SLC37A1: variants seen among roughly 807,000 people sequenced by gnomAD.
SLC37A1 encodes glucose-6-phosphate exchanger SLC37A1.
A neutral mutation model predicts 75.3 loss-of-function variants in SLC37A1; 49 were observed. That is an observed-to-expected ratio of 0.65 (90% confidence interval 0.52 to 0.83). The LOEUF (loss-of-function observed/expected upper bound fraction) is 0.83. Ranked by LOEUF, SLC37A1 falls within the 40% of genes least tolerant of loss-of-function variation. The pLI is 0.00. For missense variants in SLC37A1, 566 were observed against 695.0 expected, an observed-to-expected ratio of 0.81 and a Z score of 2.09; for synonymous variants, 268 against 292.1, an observed-to-expected ratio of 0.92 and a Z score of 0.84.
At chr21:42,540,797 G>A (rs972556325) in intron 6 of SLC37A1, among the ~76,000 whole-genome samples, 1 of 152,200 alleles carries the variant, frequency 6.6e-6, no homozygotes, top group East Asian at 1.9e-4. Context: ...TCAAGATTTT[G>A]CCATAACACT....
chr21:42,518,463 A>ACTCCC lies in SLC37A1; in HGVS notation c.11_15dup (p.Ala6SerfsTer24). The ACTCCC allele has an allele frequency of 6.2e-7, 1 of 1,613,534 alleles. No homozygotes were observed. Among genetic ancestry groups the ACTCCC allele is most frequent in the Non-Finnish European group, 8.5e-7 (1 of 1,179,938 alleles). ...GGTCAGTGGCGACGTAAATGGCTCG[A>ACTCCC]CTCCCCGCTGGCATTCGCTTCATCA... On this transcript the variant is annotated frameshift_variant, in exon 2 of 20. Transcript: ENST00000352133. LOFTEE classifies it high-confidence loss of function.
At chr21:42,562,193 T>A (rs1328998553) in intron 12 of SLC37A1, 25 bp downstream of exon 12, 1 of 1,598,588 alleles carries the variant, frequency 6.3e-7, no homozygotes, top group South Asian at 1.1e-5. Context: ...TAGAACACAT[T>A]AAATTCCGCA....
intron 5 of SLC37A1, 113 bp from the exon 6 acceptor site, chr21:42,539,399 G>T: frequency 1.6e-6 from 2 of 1,254,638 alleles, no homozygotes; most frequent in Non-Finnish European, 2.2e-6. Context: ...AGGCTTGAGA[G>T]TTCCCCAAGC....
chr21:42,576,975 C>CTTCA (rs2056322142), intron 18 of SLC37A1, among the ~76,000 whole-genome samples: 2 of 152,090 alleles, frequency 1.3e-5, no homozygotes, highest in Non-Finnish European at 2.9e-5. Context: ...GGATTTGAAG[C>CTTCA]AATATTTTAA....
intron 10 of SLC37A1, among the ~76,000 whole-genome samples, chr21:42,556,418 TG>T (rs1271899550): frequency 1.3e-5 from 2 of 152,192 alleles, no homozygotes; most frequent in Non-Finnish European, 2.9e-5. Context: ...ATCTCTCTTG[TG>T]ATGGCCTTTC....
In SLC37A1 at chr21:42,542,494, GC is replaced by G. The variant is rs1469710707; in HGVS notation, c.563+17del. 6.2e-7 allele frequency: 1 copy of G among 1,613,744 alleles called. No individual in the cohort carries two copies. Among genetic ancestry groups the G allele is most frequent in the African/African-American group, 1.3e-5 (1 of 75,046 alleles). On this transcript the variant is annotated intron_variant, in intron 7 of 19. Transcript: ENST00000352133. ...TGGAAAAGGAAGGTGAGAAAAAGCA[GC>G]CCTGTTTCCAATAGCAGATGAAAAC... is the stretch of plus-strand genomic sequence containing the variant.
chr21:42,543,909 G>A (rs1044351193), intron 8 of SLC37A1, among the ~76,000 whole-genome samples: 1 of 152,192 alleles, frequency 6.6e-6, no homozygotes, highest in Admixed American at 6.5e-5. Flanking sequence ...CCCACAGGCT[G>A]TTCCTTCTCA....
At chr21:42,528,100 G>T (rs74622692) in intron 3 of SLC37A1, among the ~76,000 whole-genome samples, 16,873 of 152,230 alleles carry the variant, frequency 0.11, 988 homozygotes, top group Middle Eastern at 0.17. Flanking sequence ...TAGAAAGTGA[G>T]TCTTATTCTG....
rs1427856381 is a variant in SLC37A1, at chr21:42,570,247, G to A, written c.1423+1809G>A. On this transcript the variant is annotated intron_variant, in intron 17 of 19. Transcript: ENST00000352133. ...GCCGTTGCCATGTCATGTGACACAC[G>A]GCCTGGTTCTGAGAAGCGGCAGGCA... 2.1e-4 allele frequency among the ~76,000 whole-genome samples: 30 copies of A among 143,974 alleles called. 1 individual carries two copies. Among genetic ancestry groups the A allele is most frequent in the Non-Finnish European group, 4.3e-4 (28 of 64,998 alleles). The allele number at this position is 143,974 out of a possible 152,430, so 94.5% of individuals were successfully genotyped here.
intron 10 of SLC37A1, among the ~76,000 whole-genome samples, chr21:42,557,253 C>T (rs1409162687): frequency 6.6e-6 from 1 of 152,240 alleles, no homozygotes; most frequent in Non-Finnish European, 1.5e-5. Flanking sequence ...CCTCAGCTTG[C>T]TATGAGTGGA....
chr21:42,501,381 TG>T (rs2054340159), intron 1 of SLC37A1, among the ~76,000 whole-genome samples: 1 of 151,882 alleles, frequency 6.6e-6, no homozygotes, highest in African/African-American at 2.4e-5. Context: ...ACAGACCCAT[TG>T]GGGGGCAAAT....
chr21:42,572,405 C>A (rs992572490), intron 17 of SLC37A1, among the ~76,000 whole-genome samples: 1 of 152,022 alleles, frequency 6.6e-6, no homozygotes, highest in Non-Finnish European at 1.5e-5. Flanking sequence ...TTTTTTCTTT[C>A]TGGAAAATGT....
intron 10 of SLC37A1, among the ~76,000 whole-genome samples, chr21:42,554,982 G>GGTTTTTTTTTTTTTTTT (rs368777229): frequency 8.6e-6 from 1 of 116,598 alleles, no homozygotes. Context: ...TTGGTTGGTT[G>GGTTTTTTTTTTTTTTTT]TTTTTTTTTT....
chr21:42,580,231 G>T, intron 19 of SLC37A1, 114 bp from the exon 20 acceptor site: 1 of 1,228,140 alleles, frequency 8.1e-7, no homozygotes. Flanking sequence ...TCCCTGCTGG[G>T]CCGGGAGGGC....
chr21:42,555,314 C>G (rs991906561), intron 10 of SLC37A1, among the ~76,000 whole-genome samples: 1 of 152,146 alleles, frequency 6.6e-6, no homozygotes, highest in Non-Finnish European at 1.5e-5. Flanking sequence ...CCTTCTACAG[C>G]AGACACAGGG....
chr21:42,561,897 G>GCGTCCTCA (rs2055840344), intron 11 of SLC37A1, 181 bp from the exon 12 acceptor site: 1 of 585,702 alleles, frequency 1.7e-6, no homozygotes, highest in South Asian at 2.1e-5. Flanking sequence ...CACTGTTCCC[G>GCGTCCTCA]CGTCCTCACT....
At chr21:42,521,476 T>G (rs2054648080) in intron 2 of SLC37A1, among the ~76,000 whole-genome samples, 1 of 152,260 alleles carries the variant, frequency 6.6e-6, no homozygotes, top group African/African-American at 2.4e-5. Context: ...TCAAAAGTGT[T>G]TCTTTATTCC....
chr21:42,568,506 G>A (rs2056039607), intron 17 of SLC37A1, 68 bp downstream of exon 17: 6 of 1,469,932 alleles, frequency 4.1e-6, no homozygotes, highest in Non-Finnish European at 4.7e-6. Flanking sequence ...ACATGCTCGT[G>A]AACAGGTACC....
chr21:42,509,703 G>A (rs2054417747), upstream of SLC37A1: 1 of 152,136 alleles, frequency 6.6e-6, no homozygotes, highest in Admixed American at 6.6e-5. The surrounding 1 kb of genome is among the most constrained non-coding windows in gnomAD (Gnocchi z 4.2). Context: ...ACTAGTAACT[G>A]AATATAAATC....
Sources: gnomAD v4.1 joint callset for allele counts (sites outside exome capture counted in the v4.1 genomes callset) on GRCh38, gnomAD v4.1.1 for gene constraint, Gnocchi (gnomAD v3.1) non-coding constraint, MANE v1.5 for transcripts, NCBI Gene and HGNC (gene_info 2026-07-23, HGNC 2026-07-21) for gene names.